TSN: variants seen among roughly 807,000 people sequenced by gnomAD.
TSN encodes translin, also known as component 3 of promoter of RISC.
Under a neutral mutation model 29.4 loss-of-function variants are expected in TSN, and 5 were observed. The ratio of observed to expected loss-of-function variants is 0.17; its 90% CI spans 0.09 to 0.36. The LOEUF (loss-of-function observed/expected upper bound fraction) is 0.36. Ranked by LOEUF, TSN falls within the 10% of genes least tolerant of loss-of-function variation. TSN has a pLI of 1.00. For synonymous variants in TSN, 106 were observed against 102.2 expected, an observed-to-expected ratio of 1.04 and a Z score of -0.23; for missense variants, 159 against 272.8, an observed-to-expected ratio of 0.58 and a Z score of 2.94.
intron 3 of TSN, among the ~76,000 whole-genome samples, chr2:121,759,812 T>A (rs2074797822): frequency 6.6e-6 from 1 of 152,218 alleles, no homozygotes; most frequent in African/African-American, 2.4e-5. Context: ...TATGAGAATA[T>A]TCTTTTAAGG....
Position 121,755,834 on chromosome 2 carries a change from G to A in TSN, c.55G>A (p.Asp19Asn), listed in dbSNP as rs769085181. ...GCAGGGCTTTTTGGCTGCCGAGCAG[G>A]ACATCCGAGAGGCGAGCCCCCTCCC... The part of the protein sequence containing the change: ...ELQGFLAAEQ[D>N]IREEIRKVVQ... The change falls in exon 1 of 6, where the codon GAC (aspartate) becomes AAC (asparagine). Residue 19 changes from aspartate (D) to asparagine (N), a missense_variant. Physicochemically the swap from Asp to Asn is conservative, Grantham distance 23. Around this residue, in one of 3 missense-constraint regions of TSN, gnomAD observed 43 missense variants for 68.6 expected, o/e 0.63. Coordinates refer to ENST00000389682, the MANE Select transcript of TSN (RefSeq NM_004622.3). The A allele has an allele frequency of 1.9e-6, 3 of 1,614,098 alleles. No homozygotes were observed. The highest frequency in any genetic ancestry group is 1.1e-5 in the South Asian group (1 of 91,086).
At chr2:121,757,474 G>A (rs1223771054) in intron 2 of TSN, 141 bp downstream of exon 2, 9 of 1,517,308 alleles carry the variant, frequency 5.9e-6, no homozygotes, top group Non-Finnish European at 7.1e-6. Flanking sequence ...TGATAATTTT[G>A]GTTGATTTTT....
chr2:121,763,305 G>A (rs2074857003), intron 5 of TSN, among the ~76,000 whole-genome samples: 1 of 151,996 alleles, frequency 6.6e-6, no homozygotes, highest in African/African-American at 2.4e-5. Context: ...ACCACACCCG[G>A]CTAATTTTTT....
intron 1 of TSN, among the ~76,000 whole-genome samples, chr2:121,756,908 CA>C (rs548676853): frequency 0.021 from 1,325 of 63,884 alleles, 16 homozygotes; most frequent in African/African-American, 0.055. Flanking sequence ...GACTCCGTCT[CA>C]AAAAAAAAAA....
chr2:121,760,304 A>C (rs2074806432), intron 3 of TSN, among the ~76,000 whole-genome samples: 1 of 152,206 alleles, frequency 6.6e-6, no homozygotes, highest in South Asian at 2.1e-4. Flanking sequence ...TTTCATCCTG[A>C]AACCATCCGC....
intron 1 of TSN, 147 bp downstream of exon 1, chr2:121,755,992 C>T: frequency 6.8e-7 from 1 of 1,462,148 alleles, no homozygotes; most frequent in Middle Eastern, 2.4e-4. Context: ...TAGGCACTCC[C>T]CGCCCCCGCC....
intron 3 of TSN, among the ~76,000 whole-genome samples, chr2:121,759,082 G>T (rs1209184006): frequency 2.0e-5 from 3 of 152,148 alleles, no homozygotes; most frequent in African/African-American, 7.2e-5. Flanking sequence ...ATATCTTTTT[G>T]CTATATTCAA....
Position 121,765,012 on chromosome 2 carries a change from C to T in TSN, c.454-122C>T, listed in dbSNP as rs6754121. ...CTGTCTTGTCTGTACTTGTGTGTACCCTGAGATAGAAGATCAGCGTGGCTG... is the reference window on the plus strand; with the variant it reads ...CTGTCTTGTCTGTACTTGTGTGTACTCTGAGATAGAAGATCAGCGTGGCTG... On this transcript the variant is annotated intron_variant, in intron 5 of 5. Coordinates refer to ENST00000389682, the MANE Select transcript of TSN (RefSeq NM_004622.3). 6,450 of 840,792 alleles carry T rather than the reference C, an allele frequency of 7.7e-3. 266 individuals carry two copies. In the African/African-American group the frequency reaches 0.089, roughly 12 times the overall value. The allele number at this position is 840,792 out of a possible 1,614,324, so 52.1% of individuals were successfully genotyped here. A position where few individuals can be genotyped will look rare whatever the true frequency, so the allele number is the denominator to read the frequency against.
chr2:121,758,547 A>G lies in TSN; in HGVS notation c.161-163A>G, dbSNP rs190804700. ...TTCAGTATAGCTAATTAGTAGGGAA[A>G]CTGGGGATGATATTTTGAAAGCCAG... On this transcript the variant is annotated intron_variant, in intron 2 of 5. Transcript: ENST00000389682. Among the ~76,000 whole-genome samples the G allele has an allele frequency of 3.2e-4, 49 of 152,318 alleles. No homozygotes were observed. In the East Asian group the frequency reaches 8.3e-3, roughly 26 times the overall value.
intron 5 of TSN, 81 bp downstream of exon 5, chr2:121,763,165 C>CA (rs1395410813): frequency 1.1e-5 from 9 of 818,586 alleles, no homozygotes; most frequent in Admixed American, 3.9e-5. Context: ...TTTTTTGAGA[C>CA]AGAGTCCCGC....
rs1558688926 is a variant in TSN at position 121,755,683 on chromosome 2, T to TAGCGGCGGC, written c.-96_-88dup. ...GCGTAAGACCGGGGGGACGCGGCGG[T>TAGCGGCGGC]AGCGGCGGCCGTTGCGATTGATTGC... On this transcript the variant is annotated 5_prime_UTR_variant, in exon 1 of 6. Coordinates refer to ENST00000389682, the MANE Select transcript of TSN (RefSeq NM_004622.3). 6.6e-7 allele frequency: 1 copy of TAGCGGCGGC among 1,511,174 alleles called. No individual in the cohort carries two copies. Among genetic ancestry groups the TAGCGGCGGC allele is most frequent in the African/African-American group, 1.4e-5 (1 of 73,098 alleles). 93.6% of individuals were successfully genotyped at this position (1,511,174 alleles called of 1,614,324 possible).
intron 1 of TSN, chr2:121,756,739 T>A: frequency 1.7e-6 from 1 of 604,884 alleles, no homozygotes; most frequent in South Asian, 1.8e-5. Flanking sequence ...ACCCTGTCTC[T>A]ACTAAAAATA....
At chr2:121,756,321 A>G (rs2074746953) in intron 1 of TSN, 1 of 250,036 alleles carries the variant, frequency 4.0e-6, no homozygotes, top group Non-Finnish European at 8.2e-6. Flanking sequence ...TACCTCTTCT[A>G]GTGCCCCAAA....
chr2:121,756,681 G>C (rs887438814), intron 1 of TSN: 1 of 1,275,298 alleles, frequency 7.8e-7, no homozygotes, highest in African/African-American at 1.5e-5. Flanking sequence ...GAGGCGGCCA[G>C]ATCACCTGAG....
chr2:121,761,033 C>A (rs1477726222), intron 3 of TSN, among the ~76,000 whole-genome samples: 3 of 152,024 alleles, frequency 2.0e-5, no homozygotes, highest in African/African-American at 7.2e-5. Context: ...CCACGCCTGG[C>A]TAATTTTTGT....
chr2:121,764,070 G>A (rs140003452), intron 5 of TSN, among the ~76,000 whole-genome samples: 100 of 152,278 alleles, frequency 6.6e-4, no homozygotes, highest in African/African-American at 2.0e-3. Context: ...CCGCTTTAAG[G>A]ACATTTCTTT....
intron 3 of TSN, among the ~76,000 whole-genome samples, chr2:121,759,343 T>C (rs575047867): frequency 6.6e-6 from 1 of 152,310 alleles, no homozygotes; most frequent in East Asian, 1.9e-4. Flanking sequence ...GCGTGGTGGC[T>C]CACACCTGTA....
chr2:121,762,477 C>T (rs973454648), intron 4 of TSN, among the ~76,000 whole-genome samples: 6 of 152,188 alleles, frequency 3.9e-5, no homozygotes, highest in African/African-American at 1.4e-4. Context: ...AGGGCCGACT[C>T]TACCTGGAAA....
At chr2:121,756,511 C>T (rs936298574) in intron 1 of TSN, 4 of 506,794 alleles carry the variant, frequency 7.9e-6, no homozygotes, top group South Asian at 3.7e-5. Flanking sequence ...AATCTTCTCC[C>T]TCATTGTATG....
Sources: allele counts gnomAD v4.1 joint callset (sites outside exome capture counted in the v4.1 genomes callset), GRCh38; gene constraint gnomAD v4.1.1; regional missense constraint gnomAD v4.1.1; transcripts MANE v1.5; gene names NCBI Gene and HGNC (gene_info 2026-07-23, HGNC 2026-07-21).